The following HYDIN variants were observed in gnomAD, a reference collection of about 807,000 sequenced individuals.
The protein encoded by HYDIN is HYDIN axonemal central pair apparatus protein.
In HYDIN, 132 loss-of-function variants were observed where a neutral mutation model predicts 403.9. The ratio of observed to expected loss-of-function variants is 0.33; its 90% CI spans 0.28 to 0.38. The LOEUF is 0.38. Among genes scored for constraint, HYDIN ranks in the 10% least tolerant of loss-of-function variants. The pLI, the probability that HYDIN is intolerant of heterozygous loss-of-function variation, is 1.00. For synonymous variants in HYDIN, 1,202 were observed against 1,891.7 expected (o/e 0.64, Z 9.46); for missense variants, 2,827 against 5,009.5 (o/e 0.56, Z 13.15).
At chr16:71,202,574 A>G (rs1258795361) in intron 1 of HYDIN, among the ~76,000 whole-genome samples, 1 of 152,136 alleles carries the variant, frequency 6.6e-6, no homozygotes, top group Non-Finnish European at 1.5e-5. Context: ...TGAGCATATT[A>G]ATTTCTTTTC....
chr16:71,096,328 A>C (rs989857156), intron 10 of HYDIN, among the ~76,000 whole-genome samples: 4 of 152,034 alleles, frequency 2.6e-5, no homozygotes, highest in Non-Finnish European at 5.9e-5. Context: ...ATTTTACTAT[A>C]ATGTTCCTAG....
chr16:70,889,760 A>T, intron 57 of HYDIN, 56 bp from the exon 58 acceptor site: 3 of 649,648 alleles, frequency 4.6e-6, no homozygotes, highest in Non-Finnish European at 8.3e-6. Context: ...GTAACATTAG[A>T]CACCACCTGT....
At chr16:70,822,037 G>A (rs2036301539) in intron 83 of HYDIN, among the ~76,000 whole-genome samples, 1 of 152,168 alleles carries the variant, frequency 6.6e-6, no homozygotes, top group Admixed American at 6.5e-5. Context: ...CTACTCTGCA[G>A]CCCACAGATG....
chr16:70,881,224 CAAAAA>C (rs58562653), intron 60 of HYDIN, among the ~76,000 whole-genome samples: 1 of 56,878 alleles, frequency 1.8e-5, no homozygotes, highest in African/African-American at 1.0e-4. Context: ...GAGACTGTCT[CAAAAA>C]AAAAAAAAAA....
intron 77 of HYDIN, among the ~76,000 whole-genome samples, chr16:70,836,306 A>C (rs1279941637): frequency 6.6e-6 from 1 of 152,184 alleles, no homozygotes; most frequent in African/African-American, 2.4e-5. Context: ...GGACTTGAGA[A>C]GATGACTTCA....
intron 45 of HYDIN, among the ~76,000 whole-genome samples, chr16:70,925,347 G>A (rs1181789968): frequency 6.6e-6 from 1 of 152,236 alleles, no homozygotes. Context: ...TCTACATATG[G>A]CTAGCCAGTT....
At chr16:71,157,603 A>G (rs1419201936) in intron 6 of HYDIN, among the ~76,000 whole-genome samples, 1 of 152,238 alleles carries the variant, frequency 6.6e-6, no homozygotes, top group East Asian at 1.9e-4. Flanking sequence ...TTAAACAGAA[A>G]AGGGACTGAC....
chr16:70,931,063 A>C (rs1002073676), intron 45 of HYDIN, among the ~76,000 whole-genome samples: 22 of 152,222 alleles, frequency 1.4e-4, no homozygotes, highest in Non-Finnish European at 2.8e-4. Context: ...AAAAATTTAA[A>C]AAGAACCAAG....
chr16:70,976,674 T>A lies in HYDIN; in HGVS notation c.4639-1405A>T, dbSNP rs189379092. Among the ~76,000 whole-genome samples the A allele has an allele frequency of 3.3e-5, 5 of 152,200 alleles. No homozygotes were observed. In the East Asian group the frequency reaches 9.6e-4, roughly 29 times the overall value. ...TTTTCAATTCCCTGTAAATATATTA[T>A]TTCAAAATAAAAAGTTAAAAAGTAT... On this transcript the variant is annotated intron_variant, in intron 30 of 85. Transcript: ENST00000393567.
At chr16:71,211,842 T>C (rs1301571546) in intron 1 of HYDIN, among the ~76,000 whole-genome samples, 4 of 151,962 alleles carry the variant, frequency 2.6e-5, no homozygotes, top group East Asian at 1.9e-4. Flanking sequence ...AGGCTTCACA[T>C]AGGGGAATTA....
intron 62 of HYDIN, among the ~76,000 whole-genome samples, chr16:70,875,578 G>T (rs1478549130): frequency 6.6e-6 from 1 of 152,126 alleles, no homozygotes; most frequent in Non-Finnish European, 1.5e-5. Context: ...CATGGAGAAG[G>T]CAGAAATAGT....
intron 1 of HYDIN, among the ~76,000 whole-genome samples, chr16:71,230,070 C>A (rs776831325): frequency 1.4e-4 from 21 of 152,120 alleles, no homozygotes; most frequent in Non-Finnish European, 2.8e-4. Context: ...CTTTGCCTTC[C>A]ACCATGATTG....
intron 7 of HYDIN, among the ~76,000 whole-genome samples, chr16:71,152,322 C>A (rs955771907): frequency 6.6e-6 from 1 of 151,808 alleles, no homozygotes; most frequent in Non-Finnish European, 1.5e-5. Context: ...TCCCATCTGA[C>A]CTTTTTAAAT....
In HYDIN at chr16:71,052,903, G is replaced by GAGAGAAAGAAGGAAA. The variant is rs1425648008; in HGVS notation, c.2529+7600_2529+7601insTTTCCTTCTTTCTCT. Among the ~76,000 whole-genome samples, 36 of 138,430 alleles carry GAGAGAAAGAAGGAAA rather than the reference G, an allele frequency of 2.6e-4. No homozygotes were observed. In the South Asian group the frequency reaches 8.3e-3, roughly 32 times the overall value. The allele number at this position is 138,430 out of a possible 152,430, so 90.8% of individuals were successfully genotyped here. On this transcript the variant is annotated intron_variant, in intron 18 of 85. Transcript: ENST00000393567. ...AAAGAAAGAAAGAGAAAGAAGGAAA[G>GAGAGAAAGAAGGAAA]AAAGAAAGAAAGAAAATGGATACAG...
At chr16:70,849,583 C>A (rs113904941) in intron 75 of HYDIN, 143 bp downstream of exon 75, 8,657 of 601,210 alleles carry the variant, frequency 0.014, 116 homozygotes, top group Middle Eastern at 0.068. Flanking sequence ...TTGTACTAGA[C>A]ATTGTGAGGC....
chr16:70,912,895 C>T (rs1275142577), intron 47 of HYDIN, among the ~76,000 whole-genome samples: 1 of 146,456 alleles, frequency 6.8e-6, no homozygotes, highest in Non-Finnish European at 1.5e-5. Flanking sequence ...CCATCTCTTC[C>T]AGGTTTCCTA....
intron 1 of HYDIN, among the ~76,000 whole-genome samples, chr16:71,194,281 C>T (rs1355803074): frequency 6.6e-6 from 1 of 152,040 alleles, no homozygotes; most frequent in African/African-American, 2.4e-5. Flanking sequence ...CGTGGTGGCA[C>T]GGGCCTGTAA....
At chr16:70,919,589 T>C (rs1193375082) in intron 46 of HYDIN, among the ~76,000 whole-genome samples, 1 of 152,084 alleles carries the variant, frequency 6.6e-6, no homozygotes, top group Non-Finnish European at 1.5e-5. Flanking sequence ...AGTTGACTCA[T>C]GCCTGTAATC....
At chr16:71,033,960 G>A (rs1367554714) in intron 18 of HYDIN, among the ~76,000 whole-genome samples, 1 of 152,064 alleles carries the variant, frequency 6.6e-6, no homozygotes, top group African/African-American at 2.4e-5. Context: ...GAAGAGATGT[G>A]GAGAGTATTT....
Sources: allele counts gnomAD v4.1 joint callset (sites outside exome capture counted in the v4.1 genomes callset), GRCh38; gene constraint gnomAD v4.1.1; transcripts MANE v1.5; gene names NCBI Gene and HGNC (gene_info 2026-07-23, HGNC 2026-07-21).